IMMP2L: variants seen among roughly 807,000 people sequenced by gnomAD.
The protein encoded by IMMP2L is inner mitochondrial membrane peptidase subunit 2.
A neutral mutation model predicts 19.3 loss-of-function variants in IMMP2L; 18 were observed. The ratio of observed to expected loss-of-function variants is 0.93; its 90% CI spans 0.64 to 1.38. The LOEUF (loss-of-function observed/expected upper bound fraction) is 1.38, where lower values mean the gene tolerates loss of function less well. IMMP2L is among the 40% of genes most tolerant of loss of function. The pLI, the probability that IMMP2L is intolerant of heterozygous loss-of-function variation, is 0.00. For missense variants in IMMP2L, 233 were observed against 218.2 expected, an observed-to-expected ratio of 1.07 and a Z score of -0.43; for synonymous variants, 76 against 73.0, an observed-to-expected ratio of 1.04 and a Z score of -0.21.
intron 3 of IMMP2L, among the ~76,000 whole-genome samples, chr7:111,051,918 G>A (rs1320956056): frequency 6.6e-6 from 1 of 152,174 alleles, no homozygotes; most frequent in Admixed American, 6.5e-5. Flanking sequence ...GGATCCCAGA[G>A]AAATCTGAAA....
chr7:111,303,480 C>T lies in IMMP2L; in HGVS notation c.239+183758G>A, dbSNP rs534907836. On this transcript the variant is annotated intron_variant, in intron 3 of 5. Coordinates refer to ENST00000405709, the MANE Select transcript of IMMP2L (RefSeq NM_032549.4). ...TTTATTTCTGCAATGCTTTTACTTA[C>T]CTCTATAAGTGCTTTGGGATTTGAT... Among the ~76,000 whole-genome samples the T allele has an allele frequency of 6.6e-5, 10 of 152,120 alleles. No homozygotes were observed. In the South Asian group the frequency reaches 2.1e-3, roughly 32 times the overall value.
At chr7:111,423,553 G>T (rs1835790442) in intron 3 of IMMP2L, among the ~76,000 whole-genome samples, 1 of 151,732 alleles carries the variant, frequency 6.6e-6, no homozygotes, top group African/African-American at 2.4e-5. Flanking sequence ...TGTGGGATAG[G>T]TGGTTATACC....
intron 3 of IMMP2L, among the ~76,000 whole-genome samples, chr7:111,217,205 C>G (rs1812047402): frequency 1.3e-5 from 2 of 151,476 alleles, no homozygotes; most frequent in Non-Finnish European, 2.9e-5. Context: ...ATATTTTTCT[C>G]TGTTCTGCAA....
rs1309817388 is a variant in IMMP2L, at chr7:111,450,512, A to G, written c.239+36726T>C. On this transcript the variant is annotated intron_variant, in intron 3 of 5. Coordinates refer to ENST00000405709, the MANE Select transcript of IMMP2L (RefSeq NM_032549.4). ...GGGAAAACTGGCTAGCCATATGTAG[A>G]AAGCTGAAACTGGATCCCTTCCTTA... Among the ~76,000 whole-genome samples, 300 of 151,576 alleles carry G rather than the reference A, an allele frequency of 2.0e-3. 1 individual carries two copies. Among genetic ancestry groups the G allele is most frequent in the African/African-American group, 6.2e-3 (254 of 41,226 alleles).
At chr7:111,034,938 C>T (rs1485571578) in intron 3 of IMMP2L, among the ~76,000 whole-genome samples, 1 of 152,122 alleles carries the variant, frequency 6.6e-6, no homozygotes, top group African/African-American at 2.4e-5. Flanking sequence ...ATTGTTAATT[C>T]AACTTTATTA....
chr7:111,191,679 G>C (rs1347988217), intron 3 of IMMP2L, among the ~76,000 whole-genome samples: 1 of 151,956 alleles, frequency 6.6e-6, no homozygotes, highest in Non-Finnish European at 1.5e-5. Context: ...AACATGTCTT[G>C]AGACCAGTTA....
intron 3 of IMMP2L, among the ~76,000 whole-genome samples, chr7:111,357,933 C>T (rs1442026263): frequency 1.3e-5 from 2 of 151,730 alleles, no homozygotes; most frequent in East Asian, 3.9e-4. Flanking sequence ...TACACCACAC[C>T]CATCACACTC....
At chr7:111,394,258 T>G (rs2131354684) in intron 3 of IMMP2L, among the ~76,000 whole-genome samples, 1 of 152,228 alleles carries the variant, frequency 6.6e-6, no homozygotes, top group African/African-American at 2.4e-5. Context: ...ATTAAGTTCC[T>G]CTCTCAACAG....
At chr7:110,949,833 T>C (rs1392871937) in intron 4 of IMMP2L, among the ~76,000 whole-genome samples, 1 of 152,126 alleles carries the variant, frequency 6.6e-6, no homozygotes, top group African/African-American at 2.4e-5. Flanking sequence ...ATACAGTAGA[T>C]AGCATTTGAG....
At chr7:111,282,578 CT>C (rs1312576672) in intron 3 of IMMP2L, among the ~76,000 whole-genome samples, 2 of 151,878 alleles carry the variant, frequency 1.3e-5, no homozygotes, top group East Asian at 3.9e-4. Flanking sequence ...TTAAATAACT[CT>C]TTTTTTGATT....
chr7:111,020,538 G>A (rs1208300235), intron 3 of IMMP2L, among the ~76,000 whole-genome samples: 2 of 152,214 alleles, frequency 1.3e-5, no homozygotes, highest in Non-Finnish European at 2.9e-5. Flanking sequence ...GAGACAGGTG[G>A]ATTGCTTGAG....
chr7:110,776,838 A>C (rs891992028), intron 5 of IMMP2L, among the ~76,000 whole-genome samples: 1 of 151,836 alleles, frequency 6.6e-6, no homozygotes, highest in African/African-American at 2.4e-5. Context: ...ACTACTTCTT[A>C]CTTTATACCT....
At chr7:111,415,580 C>A (rs1253418637) in intron 3 of IMMP2L, among the ~76,000 whole-genome samples, 1 of 151,756 alleles carries the variant, frequency 6.6e-6, no homozygotes, top group African/African-American at 2.4e-5. Flanking sequence ...GAATTTTGTA[C>A]ATTTTGACAA....
chr7:111,100,771 T>A (rs1243893051), intron 3 of IMMP2L, among the ~76,000 whole-genome samples: 1 of 151,434 alleles, frequency 6.6e-6, no homozygotes, highest in Non-Finnish European at 1.5e-5. Context: ...CCAGGAGGAT[T>A]TATGAACATC....
At chr7:111,301,460 A>G (rs1393971760) in intron 3 of IMMP2L, among the ~76,000 whole-genome samples, 1 of 152,024 alleles carries the variant, frequency 6.6e-6, no homozygotes, top group Non-Finnish European at 1.5e-5. Context: ...CACAGAACAA[A>G]TAAGGCCCAA....
intron 3 of IMMP2L, among the ~76,000 whole-genome samples, chr7:111,178,714 C>G (rs577851824): frequency 2.2e-4 from 34 of 152,154 alleles, no homozygotes; most frequent in Non-Finnish European, 4.0e-4. Context: ...AAAGCAACTC[C>G]TCGTCTGTTA....
At chr7:110,735,633 AATATATATATATTAGACAAAT>A (rs1212451161) in intron 5 of IMMP2L, among the ~76,000 whole-genome samples, 1 of 139,872 alleles carries the variant, frequency 7.1e-6, no homozygotes, top group Non-Finnish European at 1.5e-5. Flanking sequence ...TGTGTCTACA[AATATATATATATTAGACAAAT>A]ATATATATAT....
chr7:110,985,279 A>G (rs994279446), intron 3 of IMMP2L, among the ~76,000 whole-genome samples: 3 of 152,118 alleles, frequency 2.0e-5, no homozygotes, highest in African/African-American at 7.2e-5. Flanking sequence ...GTAGTAATTT[A>G]TTACAGCAGC....
chr7:110,837,706 C>A (rs1038443791), intron 5 of IMMP2L, among the ~76,000 whole-genome samples: 2 of 152,092 alleles, frequency 1.3e-5, no homozygotes, highest in East Asian at 1.9e-4. Flanking sequence ...AAGAGAAAAC[C>A]GATTTTTAGT....
Sources: allele counts gnomAD v4.1 joint callset (sites outside exome capture counted in the v4.1 genomes callset), GRCh38; gene constraint gnomAD v4.1.1; transcripts MANE v1.5; gene names NCBI Gene and HGNC (gene_info 2026-07-23, HGNC 2026-07-21).